Variants in GBX1 observed in about 807,000 individuals in gnomAD.
The protein encoded by GBX1 is gastrulation brain homeobox 1, also known as homeobox protein GBX-1.
A neutral mutation model predicts 22.9 loss-of-function variants in GBX1; 9 were observed. The ratio of observed to expected loss-of-function variants is 0.39; its 90% CI spans 0.24 to 0.69. The LOEUF is 0.69. Ranked by LOEUF, GBX1 falls within the 30% of genes least tolerant of loss-of-function variation. The pLI, the probability that GBX1 is intolerant of heterozygous loss-of-function variation, is 0.43. For missense variants in GBX1, 494 were observed against 509.2 expected, an observed-to-expected ratio of 0.97 and a Z score of 0.29; for synonymous variants, 203 against 227.3, an observed-to-expected ratio of 0.89 and a Z score of 0.96.
chr7:151,167,161 C>T lies in GBX1; in HGVS notation c.388G>A (p.Ala130Thr), dbSNP rs758520921. The change falls in exon 1 of 2, where the codon GCC becomes ACC. Residue 130 changes from alanine to threonine, a missense_variant. Transcript: ENST00000297537. This position sits in a 1 kb window ranked among gnomAD's most constrained non-coding sequence, Gnocchi z 5.9. The part of the protein sequence containing the change: ...ELAAAAAAAA[A>T]TAARNNPEPG... ...TCGGGGTTGTTTCGGGCGGCAGTGG[C>T]GGCGGCGGCGGCAGCGGCGGCGGCG... 4.8e-5 allele frequency: 75 copies of T among 1,546,690 alleles called. No homozygotes were observed. The highest frequency in any genetic ancestry group is 5.7e-5 in the Non-Finnish European group (65 of 1,141,250).
chr7:151,166,091 C>G (rs567715512), intron 1 of GBX1, among the ~76,000 whole-genome samples: 4 of 152,304 alleles, frequency 2.6e-5, no homozygotes, highest in East Asian at 3.9e-4. Context: ...GAACTCAGAA[C>G]ACCTGAATCT....
intron 1 of GBX1, among the ~76,000 whole-genome samples, chr7:151,164,057 C>T (rs1243858883): frequency 6.6e-6 from 1 of 152,094 alleles, no homozygotes; most frequent in Non-Finnish European, 1.5e-5. Flanking sequence ...AAAAATAGTC[C>T]CTGTAATTCC....
intron 1 of GBX1, among the ~76,000 whole-genome samples, chr7:151,165,668 A>T (rs919198097): frequency 2.0e-5 from 3 of 152,126 alleles, no homozygotes; most frequent in African/African-American, 7.2e-5. Flanking sequence ...GACTTCAGTT[A>T]CTGGGTCTTC....
In GBX1 at chr7:151,158,436, A is replaced by G. The variant is rs562343678; in HGVS notation, c.538+8575T>C. Among the ~76,000 whole-genome samples the G allele has an allele frequency of 1.2e-3, 178 of 152,176 alleles. 1 individual carries two copies. The highest frequency in any genetic ancestry group is 2.0e-3 in the Non-Finnish European group (136 of 68,006). ...AACAGAAATTTTTTGATAAAGAAAC[A>G]AGAAGAGTTTTTTTGTTTTTGTTTT... On this transcript the variant is annotated intron_variant, in intron 1 of 1. Transcript: ENST00000297537.
intron 1 of GBX1, among the ~76,000 whole-genome samples, chr7:151,166,398 C>T (rs1215506263): frequency 6.6e-6 from 1 of 151,370 alleles, no homozygotes. Flanking sequence ...AGCTAATGTT[C>T]TCTTTGGCCC....
At chr7:151,153,703 T>C (rs1801103907) in intron 1 of GBX1, among the ~76,000 whole-genome samples, 1 of 152,000 alleles carries the variant, frequency 6.6e-6, no homozygotes, top group African/African-American at 2.4e-5. Context: ...CACACCACCA[T>C]GGCTGGCTAA....
intron 1 of GBX1, chr7:151,149,727 G>C (rs1364917347): frequency 2.9e-6 from 1 of 339,248 alleles, no homozygotes; most frequent in Non-Finnish European, 5.8e-6. Context: ...GCTGACGAGA[G>C]CTGTCTCATG....
chr7:151,160,360 T>C (rs1168267153), intron 1 of GBX1, among the ~76,000 whole-genome samples: 1 of 152,234 alleles, frequency 6.6e-6, no homozygotes, highest in Non-Finnish European at 1.5e-5. Flanking sequence ...ATTACTTCTC[T>C]TCCCACTGTT....
chr7:151,162,756 T>C (rs1801199083), intron 1 of GBX1, among the ~76,000 whole-genome samples: 1 of 151,704 alleles, frequency 6.6e-6, no homozygotes, highest in African/African-American at 2.4e-5. Context: ...CTTTTTCCCC[T>C]GAGTGAATAA....
chr7:151,165,659 A>C (rs1331309832), intron 1 of GBX1, among the ~76,000 whole-genome samples: 2 of 152,116 alleles, frequency 1.3e-5, no homozygotes, highest in Non-Finnish European at 1.5e-5. Flanking sequence ...TGCTATTCTG[A>C]CTTCAGTTAC....
chr7:151,163,714 G>A (rs1044318351), intron 1 of GBX1, among the ~76,000 whole-genome samples: 5 of 151,514 alleles, frequency 3.3e-5, no homozygotes, highest in African/African-American at 1.2e-4. Context: ...GACATATATG[G>A]CTTGCATATA....
chr7:151,157,212 C>G (rs1320079154), intron 1 of GBX1, among the ~76,000 whole-genome samples: 4 of 152,048 alleles, frequency 2.6e-5, no homozygotes, highest in African/African-American at 4.8e-5. Flanking sequence ...AAGAGAATTG[C>G]TTGAACCCGG....
intron 1 of GBX1, among the ~76,000 whole-genome samples, chr7:151,163,110 A>C (rs912498381): frequency 1.3e-5 from 2 of 151,978 alleles, no homozygotes; most frequent in Non-Finnish European, 2.9e-5. Flanking sequence ...CCAGCTTTCT[A>C]CATTTCTCCA....
In GBX1 at chr7:151,148,935, G is replaced by A. The variant is rs201395169; in HGVS notation, c.746C>T (p.Pro249Leu). 4.6e-5 allele frequency: 74 copies of A among 1,613,918 alleles called. No homozygotes were observed. Among genetic ancestry groups the A allele is most frequent in the Middle Eastern group, 1.6e-4 (1 of 6,084 alleles). ...AGGAGCTGTGACCCCTGCTGTCACC[G>A]GTGCCCCCTCCTCAGCTCCAGTCCC... Reference protein sequence around the residue: ...SLGTGAEEGAPVTAGVTAPGG... With the variant: ...SLGTGAEEGALVTAGVTAPGG... The change falls in exon 2 of 2, where the codon CCG becomes CTG. Residue 249 changes from proline (P) to leucine (L), a missense_variant. Around this residue, in one of 3 missense-constraint regions of GBX1, gnomAD observed 5 missense variants for 16.7 expected, o/e 0.30. Transcript: ENST00000297537. This position sits in a 1 kb window ranked among gnomAD's most constrained non-coding sequence, Gnocchi z 5.1.
rs901399615 is a variant in GBX1 at position 151,167,283 on chromosome 7, G to A, written c.266C>T (p.Ala89Val). Residue 89 changes from alanine to valine, a missense_variant, in exon 1 of 2, where the codon GCG (alanine) becomes GTG (valine). By Grantham distance (64) the Ala-to-Val change is moderately conservative. Around this residue, in one of 3 missense-constraint regions of GBX1, gnomAD observed 365 missense variants for 340.4 expected, o/e 1.07. Coordinates refer to ENST00000297537, the MANE Select transcript of GBX1 (RefSeq NM_001098834.3). The surrounding 1 kb of genome is among the most constrained non-coding windows in gnomAD (Gnocchi z 5.9). ...FAGRLTNTFC[A>V]GLGQAVPSMV... Reference sequence around the variant, plus strand: ...CGAGGGCACAGCCTGACCCAGCCCCGCGCAGAAGGTGTTGGTAAGGCGGCC... The same window carrying A: ...CGAGGGCACAGCCTGACCCAGCCCCACGCAGAAGGTGTTGGTAAGGCGGCC... The A allele has an allele frequency of 2.6e-6, 4 of 1,535,246 alleles. No homozygotes were observed. In the African/African-American group the frequency reaches 5.7e-5, roughly 22 times the overall value.
intron 1 of GBX1, among the ~76,000 whole-genome samples, chr7:151,162,943 A>G (rs2150550656): frequency 6.6e-6 from 1 of 151,736 alleles, no homozygotes; most frequent in South Asian, 2.1e-4. Flanking sequence ...AGTAGCTGGG[A>G]CCACAGGCAT....
In GBX1 at chr7:151,167,679, G is replaced by A. The variant is rs1274238430; in HGVS notation, c.-131C>T. On this transcript the variant is annotated 5_prime_UTR_variant, in exon 1 of 2. Transcript: ENST00000297537. The surrounding 1 kb of genome is among the most constrained non-coding windows in gnomAD (Gnocchi z 5.9). Reference sequence around the variant, plus strand: ...CCGGGCCGAGGTGGCGGCGGGGCGCGGGCTCGGCGCAGTGTGGCTCCGGCG... The same window carrying A: ...CCGGGCCGAGGTGGCGGCGGGGCGCAGGCTCGGCGCAGTGTGGCTCCGGCG... 3 of 956,194 alleles carry A rather than the reference G, an allele frequency of 3.1e-6. No individual in the cohort carries two copies. Among genetic ancestry groups the A allele is most frequent in the African/African-American group, 1.8e-5 (1 of 56,746 alleles). 59.2% of individuals were successfully genotyped at this position (956,194 alleles called of 1,614,324 possible).
Position 151,149,043 on chromosome 7 carries a change from C to T in GBX1, c.638G>A (p.Ser213Asn). The change falls in exon 2 of 2, where the codon AGC (serine) becomes AAC (asparagine). Residue 213 changes from serine (S) to asparagine (N), a missense_variant. Ser to Asn is a conservative substitution (Grantham distance 46). Coordinates refer to ENST00000297537, the MANE Select transcript of GBX1 (RefSeq NM_001098834.3). ...ACTGTCCAGGAAACCGTCATCCTCG[C>T]TGTCACCGCCTGAGCCCTCTTCCTC... ...EQEEEGSGGDSEDDGFLDSSA... is the reference protein window; with the variant it reads ...EQEEEGSGGDNEDDGFLDSSA... 6.2e-7 allele frequency: 1 copy of T among 1,614,006 alleles called. No individual in the cohort carries two copies. Among genetic ancestry groups the T allele is most frequent in the Non-Finnish European group, 8.5e-7 (1 of 1,180,046 alleles).
chr7:151,162,273 C>A (rs971182701), intron 1 of GBX1, among the ~76,000 whole-genome samples: 2 of 152,184 alleles, frequency 1.3e-5, no homozygotes, highest in African/African-American at 2.4e-5. Flanking sequence ...TCTAATTCCA[C>A]GTCATATTAT....
Sources: allele counts gnomAD v4.1 joint callset (sites outside exome capture counted in the v4.1 genomes callset), GRCh38; gene constraint gnomAD v4.1.1; regional missense constraint gnomAD v4.1.1; non-coding constraint Gnocchi (gnomAD v3.1); transcripts MANE v1.5; gene names NCBI Gene and HGNC (gene_info 2026-07-23, HGNC 2026-07-21).